PITPNM3: variants seen among roughly 807,000 people sequenced by gnomAD.
PITPNM3 encodes PITPNM family member 3.
PITPNM3 carries 26 observed loss-of-function variants against 102.0 expected under a neutral mutation model. The ratio of observed to expected loss-of-function variants is 0.25; its 90% CI spans 0.19 to 0.35. The LOEUF (loss-of-function observed/expected upper bound fraction) is 0.35, where lower values mean the gene tolerates loss of function less well. Ranked by LOEUF, PITPNM3 falls within the 10% of genes least tolerant of loss-of-function variation. The probability of loss-of-function intolerance (pLI) is 1.00; values close to 1 mark genes in which losing one functional copy is unlikely to be tolerated. For synonymous variants in PITPNM3, 578 were observed against 558.6 expected, an observed-to-expected ratio of 1.03 and a Z score of -0.49; for missense variants, 1,083 against 1,346.1, an observed-to-expected ratio of 0.80 and a Z score of 3.06.
intron 1 of PITPNM3, among the ~76,000 whole-genome samples, chr17:6,554,545 G>A (rs1290744489): frequency 1.3e-5 from 2 of 152,146 alleles, no homozygotes; most frequent in Non-Finnish European, 2.9e-5. Context: ...TGTTAGAACA[G>A]CACAAGGCAT....
chr17:6,485,231 T>C (rs1459485700), intron 4 of PITPNM3, among the ~76,000 whole-genome samples: 1 of 151,354 alleles, frequency 6.6e-6, no homozygotes, highest in East Asian at 1.9e-4. Context: ...CAATCTCGGC[T>C]CACTGCAACC....
In PITPNM3 at chr17:6,453,851, A is replaced by G. The variant is rs1913969245; in HGVS notation, c.*1487T>C. ...CTGGGACCGGCCTTGATGGCAGCCT[A>G]TGGGGGCTCAGTGGCCACGTGGGCA... On this transcript the variant is annotated 3_prime_UTR_variant, in exon 20 of 20. Coordinates refer to ENST00000262483, the MANE Select transcript of PITPNM3 (RefSeq NM_031220.4). 1 of 152,536 alleles carries G rather than the reference A, an allele frequency of 6.6e-6. No homozygotes were observed. The highest frequency in any genetic ancestry group is 1.9e-4 in the East Asian group (1 of 5,182). The allele number at this position is 152,536 out of a possible 1,614,324, so 9.4% of individuals were successfully genotyped here.
chr17:6,508,427 AC>A (rs1258365754), intron 3 of PITPNM3, among the ~76,000 whole-genome samples: 3 of 152,176 alleles, frequency 2.0e-5, no homozygotes, highest in Non-Finnish European at 2.9e-5. Context: ...TCCCTTGGAC[AC>A]CCCAATACTG....
At chr17:6,532,984 C>T (rs559580991) in intron 2 of PITPNM3, among the ~76,000 whole-genome samples, 114 of 152,202 alleles carry the variant, frequency 7.5e-4, no homozygotes, top group African/African-American at 1.8e-3. Flanking sequence ...ATTATTGAGA[C>T]GGCGTTTCCC....
chr17:6,538,640 C>G (rs1233692613), intron 1 of PITPNM3, among the ~76,000 whole-genome samples: 1 of 152,184 alleles, frequency 6.6e-6, no homozygotes, highest in Non-Finnish European at 1.5e-5. Context: ...TTTCACTGGC[C>G]CTGACTACCA....
At chr17:6,512,339 T>C (rs923391667) in intron 3 of PITPNM3, among the ~76,000 whole-genome samples, 1 of 144,734 alleles carries the variant, frequency 6.9e-6, no homozygotes, top group Non-Finnish European at 1.5e-5. Flanking sequence ...CAAACTGGCA[T>C]GTGCACAAAT....
Position 6,457,565 on chromosome 17 carries a change from TCCCCGCCTCCAG to T in PITPNM3, c.2619+17_2619+28del, listed in dbSNP as rs367837275. 5.3e-4 allele frequency: 857 copies of T among 1,611,136 alleles called. 4 individuals carry two copies. The African/African-American group carries it at 8.3e-3, about 16-fold the overall frequency. On this transcript the variant is annotated intron_variant, in intron 19 of 19. Transcript: ENST00000262483. The surrounding 1 kb of genome is among the most constrained non-coding windows in gnomAD (Gnocchi z 4.7). ...CCCTTTCCCTGACCTCCCTCACAAC[TCCCCGCCTCCAG>T]CCCCGCCTCCACCCACCTGGCACTG... is the stretch of plus-strand genomic sequence containing the variant.
In PITPNM3 at chr17:6,451,903, G is replaced by A. The variant is rs560369662; in HGVS notation, c.*3435C>T. 13 of 104,138 alleles carry A rather than the reference G, an allele frequency of 1.2e-4. 1 individual carries two copies. The highest frequency in any genetic ancestry group is 2.4e-4 in the Non-Finnish European group (12 of 50,914). 6.5% of individuals were successfully genotyped at this position (104,138 alleles called of 1,614,324 possible). On this transcript the variant is annotated 3_prime_UTR_variant, in exon 20 of 20. Coordinates refer to ENST00000262483, the MANE Select transcript of PITPNM3 (RefSeq NM_031220.4). Reference sequence around the variant, plus strand: ...CCCCCCCCGCCCGCCGATGGGATTCGGTGGGAAAGTTGGTTGTTTAAGGCG... The same window carrying A: ...CCCCCCCCGCCCGCCGATGGGATTCAGTGGGAAAGTTGGTTGTTTAAGGCG...
intron 3 of PITPNM3, among the ~76,000 whole-genome samples, chr17:6,519,689 G>A (rs1385007074): frequency 1.3e-5 from 2 of 151,946 alleles, no homozygotes; most frequent in Admixed American, 1.3e-4. Context: ...AAGTAGCCAG[G>A]CATGGTGGCG....
Position 6,556,478 on chromosome 17 carries a change from C to T in PITPNM3, c.-72G>A. 1 of 1,032,502 alleles carries T rather than the reference C, an allele frequency of 9.7e-7. No individual in the cohort carries two copies. 64.0% of individuals were successfully genotyped at this position (1,032,502 alleles called of 1,614,324 possible). A position where few individuals can be genotyped will look rare whatever the true frequency, so the allele number is the denominator to read the frequency against. ...TCCCGGGCCCGGCCCCGACCGCCTC[C>T]GGCCCCGAACGGACTCCGAGCGCCG... On this transcript the variant is annotated 5_prime_UTR_variant, in exon 1 of 20. Transcript: ENST00000262483. This position sits in a 1 kb window ranked among gnomAD's most constrained non-coding sequence, Gnocchi z 5.2.
intron 4 of PITPNM3, among the ~76,000 whole-genome samples, chr17:6,484,988 C>A (rs1905987956): frequency 6.6e-6 from 1 of 152,092 alleles, no homozygotes; most frequent in Non-Finnish European, 1.5e-5. Context: ...GGGATTCGTG[C>A]CATTTTCTCC....
rs750910507 is a variant in PITPNM3 at position 6,548,482 on chromosome 17, G to A, written c.22+7903C>T. ...GTTGCTCGGCTGGGACTAGCCTCAC[G>A]GGGGGCAGGAAGTAGGAGCAAGGGG... On this transcript the variant is annotated intron_variant, in intron 1 of 19. Transcript: ENST00000262483. Among the ~76,000 whole-genome samples, 5 of 152,088 alleles carry A rather than the reference G, an allele frequency of 3.3e-5. No individual in the cohort carries two copies. In the South Asian group the frequency reaches 8.3e-4, roughly 25 times the overall value.
intron 1 of PITPNM3, among the ~76,000 whole-genome samples, chr17:6,547,043 T>A (rs1910059791): frequency 6.6e-6 from 1 of 151,522 alleles, no homozygotes; most frequent in African/African-American, 2.4e-5. Flanking sequence ...CAGCATTGCA[T>A]CCGGTTGCCT....
chr17:6,554,235 G>T (rs570500432), intron 1 of PITPNM3, among the ~76,000 whole-genome samples: 1 of 148,428 alleles, frequency 6.7e-6, no homozygotes, highest in South Asian at 2.1e-4. Context: ...CAGGAGAATC[G>T]CCTCAGCCCA....
chr17:6,474,643 G>A (rs1409694742), intron 9 of PITPNM3, 39 bp from the exon 10 acceptor site: 1 of 1,539,878 alleles, frequency 6.5e-7, no homozygotes, highest in South Asian at 1.2e-5. Flanking sequence ...GCAGGTCAGG[G>A]AAGGACCGAG....
intron 8 of PITPNM3, 75 bp from the exon 9 acceptor site, chr17:6,477,288 C>A (rs911475575): frequency 8.0e-6 from 12 of 1,503,800 alleles, no homozygotes; most frequent in East Asian, 2.3e-5. Context: ...TCTCCTCCCC[C>A]CAAGCACAAA....
chr17:6,503,102 C>T (rs1204127327), intron 4 of PITPNM3, among the ~76,000 whole-genome samples: 2 of 152,166 alleles, frequency 1.3e-5, no homozygotes, highest in Non-Finnish European at 2.9e-5. Context: ...ACCATGGCAC[C>T]GTCAGTGGTT....
chr17:6,555,315 G>A (rs377391488), intron 1 of PITPNM3, among the ~76,000 whole-genome samples: 1 of 152,186 alleles, frequency 6.6e-6, no homozygotes, highest in East Asian at 1.9e-4. Context: ...CGCAGCCCAG[G>A]GTCCCGGGCA....
chr17:6,482,662 C>T (rs1905813849), intron 6 of PITPNM3, among the ~76,000 whole-genome samples: 1 of 152,032 alleles, frequency 6.6e-6, no homozygotes, highest in Non-Finnish European at 1.5e-5. Context: ...AAGCTCTCAC[C>T]CCGTGGGATC....
Sources: gnomAD v4.1 joint callset for allele counts (sites outside exome capture counted in the v4.1 genomes callset) on GRCh38, gnomAD v4.1.1 for gene constraint, Gnocchi (gnomAD v3.1) non-coding constraint, MANE v1.5 for transcripts, NCBI Gene and HGNC (gene_info 2026-07-23, HGNC 2026-07-21) for gene names.